The following HHAT variants were observed in gnomAD, a reference collection of about 807,000 sequenced individuals.
HHAT encodes protein-cysteine N-palmitoyltransferase HHAT.
A neutral mutation model predicts 70.8 loss-of-function variants in HHAT; 47 were observed. The observed-to-expected ratio is 0.66, with a 90% CI of 0.53 to 0.85. The LOEUF (loss-of-function observed/expected upper bound fraction) is 0.85, where lower values mean the gene tolerates loss of function less well. HHAT is among the 40% of genes least tolerant of loss of function. The pLI is 0.00. For missense variants in HHAT, 609 were observed against 604.8 expected (o/e 1.01, Z -0.07); for synonymous variants, 228 against 247.6 (o/e 0.92, Z 0.74).
chr1:210,555,586 T>C (rs533384449), intron 9 of HHAT, among the ~76,000 whole-genome samples: 6 of 152,336 alleles, frequency 3.9e-5, no homozygotes, highest in South Asian at 2.1e-4. Context: ...TCTGGACTTA[T>C]ATTTTCAGAG....
intron 4 of HHAT, among the ~76,000 whole-genome samples, chr1:210,388,525 A>G (rs1015563090): frequency 6.6e-6 from 1 of 152,054 alleles, no homozygotes; most frequent in Admixed American, 6.6e-5. Context: ...CCGACAGCAT[A>G]TTAACTTCTT....
intron 8 of HHAT, among the ~76,000 whole-genome samples, chr1:210,484,863 T>C (rs2148496139): frequency 6.6e-6 from 1 of 152,346 alleles, no homozygotes; most frequent in South Asian, 2.1e-4. Context: ...TGCTTCTCTG[T>C]CCTTGGACAT....
intron 9 of HHAT, among the ~76,000 whole-genome samples, chr1:210,556,904 C>T (rs946926526): frequency 2.0e-5 from 3 of 152,130 alleles, no homozygotes; most frequent in African/African-American, 7.2e-5. Context: ...GCCACTGACC[C>T]CCTGAAGGGC....
Position 210,563,271 on chromosome 1 carries a change from C to G in HHAT, c.1044-24627C>G, listed in dbSNP as rs560366342. Among the ~76,000 whole-genome samples the G allele has an allele frequency of 1.1e-4, 16 of 152,274 alleles. No homozygotes were observed. In the East Asian group the frequency reaches 2.9e-3, roughly 28 times the overall value. On this transcript the variant is annotated intron_variant, in intron 9 of 11. Transcript: ENST00000261458. ...TCCAAATATAGCTAAGAAAATGAAG[C>G]AGCTGAGCAACTGTATAATTATCCA...
chr1:210,470,165 A>G (rs1429236041), intron 8 of HHAT, among the ~76,000 whole-genome samples: 3 of 152,048 alleles, frequency 2.0e-5, no homozygotes, highest in Non-Finnish European at 2.9e-5. Flanking sequence ...TTTGTTTTTT[A>G]ATTTCTCAGA....
At chr1:210,559,565 G>T (rs1368058146) in intron 9 of HHAT, among the ~76,000 whole-genome samples, 1 of 152,218 alleles carries the variant, frequency 6.6e-6, no homozygotes, top group African/African-American at 2.4e-5. Context: ...TTTGGACACA[G>T]GACTGTCTGA....
At chr1:210,582,304 A>G (rs979912118) in intron 9 of HHAT, among the ~76,000 whole-genome samples, 3 of 152,194 alleles carry the variant, frequency 2.0e-5, no homozygotes, top group African/African-American at 4.8e-5. Context: ...AGGTGGAGCT[A>G]GAGTAGGATG....
intron 9 of HHAT, among the ~76,000 whole-genome samples, chr1:210,555,168 A>C (rs1419826882): frequency 1.3e-5 from 2 of 152,218 alleles, no homozygotes; most frequent in African/African-American, 2.4e-5. Context: ...AGAGAAACTA[A>C]CAACCAACCA....
At chr1:210,404,324 C>G in intron 5 of HHAT, 140 bp from the exon 6 acceptor site, 1 of 636,250 alleles carries the variant, frequency 1.6e-6, no homozygotes, top group Non-Finnish European at 2.8e-6. Context: ...CACAGCTGCT[C>G]TGCCTGAAGA....
At chr1:210,426,370 A>G (rs2093061139) in intron 7 of HHAT, among the ~76,000 whole-genome samples, 1 of 152,306 alleles carries the variant, frequency 6.6e-6, no homozygotes, top group East Asian at 1.9e-4. Context: ...AGAACTTCCA[A>G]TACTATGTTG....
chr1:210,564,713 A>G (rs779744256), intron 9 of HHAT, among the ~76,000 whole-genome samples: 10 of 152,148 alleles, frequency 6.6e-5, no homozygotes, highest in Non-Finnish European at 1.5e-4. Flanking sequence ...GTCAATGCAC[A>G]ATGTAATAGA....
chr1:210,458,722 G>A (rs534809725), intron 7 of HHAT, among the ~76,000 whole-genome samples: 7 of 152,138 alleles, frequency 4.6e-5, no homozygotes, highest in Non-Finnish European at 4.4e-5. Flanking sequence ...ATTGGGCTTG[G>A]CCTTGGCTTC....
chr1:210,527,739 G>A (rs2095268564), intron 9 of HHAT, among the ~76,000 whole-genome samples: 1 of 152,218 alleles, frequency 6.6e-6, no homozygotes, highest in South Asian at 2.1e-4. Context: ...CGCCAACAGG[G>A]TGGCCCTAAT....
Position 210,653,529 on chromosome 1 carries a change from C to CAAA in HHAT, c.1391-20744_1391-20742dup, listed in dbSNP as rs35279362. ...TGGGTGACAGAGCGAGACCCTGTCT[C>CAAA]AAAAAAAAAAAAAAAAAGTTAAATA... On this transcript the variant is annotated intron_variant, in intron 11 of 11. Transcript: ENST00000261458. Among the ~76,000 whole-genome samples the CAAA allele has an allele frequency of 3.0e-4, 36 of 120,160 alleles. 1 individual carries two copies. Among genetic ancestry groups the CAAA allele is most frequent in the East Asian group, 2.7e-3 (11 of 4,130 alleles). 78.8% of individuals were successfully genotyped at this position (120,160 alleles called of 152,430 possible). A position where few individuals can be genotyped will look rare whatever the true frequency, so the allele number is the denominator to read the frequency against.
chr1:210,447,470 G>A (rs1572505930), intron 7 of HHAT, among the ~76,000 whole-genome samples: 1 of 152,288 alleles, frequency 6.6e-6, no homozygotes, highest in East Asian at 1.9e-4. Context: ...TTAATTGGAG[G>A]CTTTAATCAT....
At chr1:210,650,131 T>G (rs1432678280) in intron 11 of HHAT, among the ~76,000 whole-genome samples, 1 of 152,194 alleles carries the variant, frequency 6.6e-6, no homozygotes, top group African/African-American at 2.4e-5. Flanking sequence ...ACAGCTCAAG[T>G]TTGCTGCTTG....
intron 2 of HHAT, among the ~76,000 whole-genome samples, chr1:210,352,243 G>T (rs2087102913): frequency 6.6e-6 from 1 of 152,150 alleles, no homozygotes; most frequent in African/African-American, 2.4e-5. Flanking sequence ...AATCCTTAAT[G>T]CCTTTCCTTT....
intron 11 of HHAT, among the ~76,000 whole-genome samples, chr1:210,627,507 T>C (rs554091901): frequency 1.3e-5 from 2 of 152,274 alleles, no homozygotes; most frequent in South Asian, 2.1e-4. Context: ...ATGGGTGATA[T>C]GAGGCTGTAA....
chr1:210,342,999 G>A (rs1185161769), intron 1 of HHAT, among the ~76,000 whole-genome samples: 1 of 152,162 alleles, frequency 6.6e-6, no homozygotes, highest in Non-Finnish European at 1.5e-5. Context: ...CCGAAAGAAT[G>A]AGGGTCGTGA....
Sources: allele counts gnomAD v4.1 joint callset (sites outside exome capture counted in the v4.1 genomes callset), GRCh38; gene constraint gnomAD v4.1.1; transcripts MANE v1.5; gene names NCBI Gene and HGNC (gene_info 2026-07-23, HGNC 2026-07-21).